SLC9C1: variants seen among roughly 807,000 people sequenced by gnomAD.
SLC9C1 encodes solute carrier family 9 member C1.
SLC9C1 carries 97 observed loss-of-function variants against 140.9 expected under a neutral mutation model. That is an observed-to-expected ratio of 0.69 (90% CI 0.58 to 0.82). The LOEUF is 0.82. Ranked by LOEUF, SLC9C1 falls within the 40% of genes least tolerant of loss-of-function variation. SLC9C1 has a pLI of 0.00. For missense variants in SLC9C1, 1,340 were observed against 1,389.3 expected (o/e 0.96, Z 0.56); for synonymous variants, 440 against 442.6 (o/e 0.99, Z 0.07).
chr3:112,239,832 T>C lies in SLC9C1; in HGVS notation c.1446+8A>G, dbSNP rs13065023. The C allele has an allele frequency of 0.34, 548,340 of 1,595,774 alleles. 96,547 individuals are homozygous for C. The highest frequency in any genetic ancestry group is 0.43 in the East Asian group (19,241 of 44,488). On this transcript the variant is annotated splice_region_variant and intron_variant, in intron 12 of 28. Transcript: ENST00000305815. ...ATTAAAGCAATAAAAAAGATATTAC[T>C]TGCTTACCATGTATGGGTTTTCAAG...
chr3:112,261,014 C>A (rs10934158), intron 10 of SLC9C1, among the ~76,000 whole-genome samples: 44,433 of 151,714 alleles, frequency 0.29, 6,680 homozygotes, highest in East Asian at 0.35. Context: ...GTATTTTCTG[C>A]CCAGTAAGTT....
chr3:112,261,087 T>A (rs1444755089), intron 10 of SLC9C1, among the ~76,000 whole-genome samples: 1 of 152,116 alleles, frequency 6.6e-6, no homozygotes, highest in Non-Finnish European at 1.5e-5. Flanking sequence ...TCAGAGTGAA[T>A]GTGAACTCTC....
chr3:112,213,163 C>T (rs1039899734), intron 15 of SLC9C1, among the ~76,000 whole-genome samples: 16 of 152,072 alleles, frequency 1.1e-4, no homozygotes, highest in Middle Eastern at 3.2e-3. Context: ...TGCTGAGAGA[C>T]TTTGTCACCA....
chr3:112,199,989 T>C (rs2108027877), intron 19 of SLC9C1, among the ~76,000 whole-genome samples: 1 of 152,174 alleles, frequency 6.6e-6, no homozygotes. Flanking sequence ...GAAAATTTCA[T>C]CTTAGAGTCT....
At chr3:112,277,227 A>G (rs763297002) in intron 5 of SLC9C1, among the ~76,000 whole-genome samples, 5 of 152,118 alleles carry the variant, frequency 3.3e-5, no homozygotes, top group Admixed American at 1.3e-4. Context: ...ACACTGTGTG[A>G]TTGTTGAGTT....
chr3:112,257,204 A>C (rs1285289594), intron 10 of SLC9C1, among the ~76,000 whole-genome samples: 1 of 152,210 alleles, frequency 6.6e-6, no homozygotes, highest in Non-Finnish European at 1.5e-5. Flanking sequence ...ATCTATTTTA[A>C]AATTCGTATG....
intron 6 of SLC9C1, among the ~76,000 whole-genome samples, chr3:112,271,409 A>ATATATATATATC (rs1013241776): frequency 6.7e-6 from 1 of 149,246 alleles, no homozygotes; most frequent in Non-Finnish European, 1.5e-5. Flanking sequence ...ATATATATAT[A>ATATATATATATC]TCAAAGCCTC....
intron 10 of SLC9C1, among the ~76,000 whole-genome samples, chr3:112,254,463 C>T (rs1029179545): frequency 1.3e-5 from 2 of 152,152 alleles, no homozygotes; most frequent in East Asian, 3.9e-4. Context: ...AATCGTCAAC[C>T]AATAATTTCA....
chr3:112,280,815 T>G, intron 2 of SLC9C1, 32 bp from the exon 3 acceptor site: 3 of 1,573,376 alleles, frequency 1.9e-6, no homozygotes, highest in Non-Finnish European at 2.6e-6. Context: ...TGAAAGGCAA[T>G]GAGATATCTC....
At chr3:112,200,661 AGTG>A (rs1466838627) in intron 19 of SLC9C1, 47 bp downstream of exon 19, 1 of 1,533,398 alleles carries the variant, frequency 6.5e-7, no homozygotes, top group Non-Finnish European at 8.9e-7. Context: ...GCCTTTCTGA[AGTG>A]GTGATGATAA....
At chr3:112,266,516 TTTCTTCC>T (rs2079922670) in intron 7 of SLC9C1, among the ~76,000 whole-genome samples, 176 bp from the exon 8 acceptor site, 1 of 152,174 alleles carries the variant, frequency 6.6e-6, no homozygotes, top group African/African-American at 2.4e-5. Context: ...CCATGTCCTT[TTTCTTCC>T]TCCAACTTAT....
At chr3:112,254,931 A>C (rs2108269962) in intron 10 of SLC9C1, among the ~76,000 whole-genome samples, 1 of 152,270 alleles carries the variant, frequency 6.6e-6, no homozygotes, top group South Asian at 2.1e-4. Context: ...GGAGTTAAAC[A>C]ATCCTATTTG....
chr3:112,206,659 A>C (rs1280335472), intron 16 of SLC9C1, among the ~76,000 whole-genome samples: 2 of 152,144 alleles, frequency 1.3e-5, no homozygotes, highest in African/African-American at 4.8e-5. Context: ...AATACTACGC[A>C]GCCATAAAAA....
chr3:112,217,025 A>AT (rs2078395213), intron 15 of SLC9C1, among the ~76,000 whole-genome samples: 1 of 152,212 alleles, frequency 6.6e-6, no homozygotes, highest in Non-Finnish European at 1.5e-5. Context: ...CTATGCAGCC[A>AT]TAAAAAGGGA....
At chr3:112,154,807 T>C (rs76039022) in intron 27 of SLC9C1, among the ~76,000 whole-genome samples, 190 bp downstream of exon 27, 7,439 of 152,246 alleles carry the variant, frequency 0.049, 225 homozygotes, top group South Asian at 0.084. Flanking sequence ...GTCATTTCTC[T>C]AATATTTCCC....
chr3:112,224,433 G>T (rs2078625775), intron 13 of SLC9C1, among the ~76,000 whole-genome samples: 1 of 152,036 alleles, frequency 6.6e-6, no homozygotes, highest in Admixed American at 6.6e-5. Flanking sequence ...ATATCTCACT[G>T]TTAAAGGAAC....
intron 6 of SLC9C1, among the ~76,000 whole-genome samples, chr3:112,270,717 G>C (rs1250703699): frequency 6.6e-6 from 1 of 152,172 alleles, no homozygotes; most frequent in Non-Finnish European, 1.5e-5. Flanking sequence ...CTGGGAGGCT[G>C]AGGCATGAGA....
At chr3:112,276,892 C>T (rs144450926) in intron 5 of SLC9C1, among the ~76,000 whole-genome samples, 4 of 152,164 alleles carry the variant, frequency 2.6e-5, no homozygotes, top group African/African-American at 9.6e-5. Flanking sequence ...CTCATTTATT[C>T]ATATATTTAC....
intron 15 of SLC9C1, among the ~76,000 whole-genome samples, chr3:112,213,906 T>A (rs934719535): frequency 4.6e-5 from 7 of 152,186 alleles, no homozygotes; most frequent in Non-Finnish European, 1.5e-5. Context: ...AGAATATACA[T>A]TCTTATTAGC....
Sources: allele counts gnomAD v4.1 joint callset (sites outside exome capture counted in the v4.1 genomes callset), GRCh38; gene constraint gnomAD v4.1.1; transcripts MANE v1.5; gene names NCBI Gene and HGNC (gene_info 2026-07-23, HGNC 2026-07-21).